UBE2V2: variants seen among roughly 807,000 people sequenced by gnomAD.
The protein encoded by UBE2V2 is ubiquitin-conjugating enzyme E2 variant 2.
A neutral mutation model predicts 17.2 loss-of-function variants in UBE2V2; 9 were observed. That is an observed-to-expected ratio of 0.52 (90% CI 0.32 to 0.91). The LOEUF is 0.91. Ranked by LOEUF, UBE2V2 falls within the 40% of genes least tolerant of loss-of-function variation. The probability of loss-of-function intolerance (pLI) is 0.04; values close to 1 mark genes in which losing one functional copy is unlikely to be tolerated. For synonymous variants in UBE2V2, 61 were observed against 57.5 expected (o/e 1.06, Z -0.28); for missense variants, 133 against 182.6 (o/e 0.73, Z 1.56).
Position 48,062,613 on chromosome 8 carries a change from T to C in UBE2V2, c.*1785T>C, listed in dbSNP as rs910939656. The stretch of plus-strand genomic sequence containing the variant: ...AAAAAAAAAAAAAAAAAGAAAAATA[T>C]TAATAATTGACCTTGGCTGTATATT... On this transcript the variant is annotated 3_prime_UTR_variant, in exon 4 of 4. Transcript: ENST00000523111. 6.6e-6 allele frequency: 1 copy of C among 151,540 alleles called. No homozygotes were observed. The highest frequency in any genetic ancestry group is 6.6e-5 in the Admixed American group (1 of 15,196). 9.4% of individuals were successfully genotyped at this position (151,540 alleles called of 1,614,324 possible).
At chr8:48,006,073 C>T (rs1343181547), upstream of UBE2V2, among the ~76,000 whole-genome samples, 1 of 152,172 alleles carries the variant, frequency 6.6e-6, no homozygotes, top group African/African-American at 2.4e-5. Context: ...GTGTTTTAGT[C>T]ATGAAGTCTT....
upstream of UBE2V2, among the ~76,000 whole-genome samples, chr8:48,008,085 C>G (rs1251597480): frequency 1.3e-5 from 2 of 152,054 alleles, no homozygotes; most frequent in Admixed American, 1.3e-4. Flanking sequence ...CCACGTCCGG[C>G]TAATTTTTGT....
intron 1 of UBE2V2, chr8:48,035,171 A>G: frequency 2.1e-6 from 2 of 946,664 alleles, no homozygotes; most frequent in South Asian, 4.9e-5. Flanking sequence ...GCTGTAGTGC[A>G]GTGGCACAAT....
the UBE2V2 span, among the ~76,000 whole-genome samples, chr8:48,003,068 GGCATGGTGGC>G: frequency 6.6e-5 from 10 of 152,142 alleles, no homozygotes; most frequent in East Asian, 1.9e-3. Flanking sequence ...AAATTAGCTG[GGCATGGTGGC>G]GCATGCCTGT....
At chr8:48,040,374 G>A (rs562066122) in intron 1 of UBE2V2, among the ~76,000 whole-genome samples, 1 of 152,192 alleles carries the variant, frequency 6.6e-6, no homozygotes, top group African/African-American at 2.4e-5. Flanking sequence ...CACCACTACT[G>A]TTCTTTAAAG....
chr8:48,054,048 G>A (rs1301829661), intron 3 of UBE2V2, among the ~76,000 whole-genome samples: 1 of 152,030 alleles, frequency 6.6e-6, no homozygotes, highest in African/African-American at 2.4e-5. Flanking sequence ...CAGGTGATCT[G>A]CCTGCCTCGG....
chr8:48,018,624 T>C (rs1305484187), intron 1 of UBE2V2, among the ~76,000 whole-genome samples: 2 of 152,226 alleles, frequency 1.3e-5, no homozygotes, highest in Non-Finnish European at 2.9e-5. Context: ...TAATGTATTA[T>C]GCCACTGTTG....
the UBE2V2 span, among the ~76,000 whole-genome samples, chr8:47,997,911 G>A: frequency 1.2e-4 from 18 of 151,978 alleles, 1 homozygote; most frequent in African/African-American, 4.4e-4. Flanking sequence ...ATCAAAGGAG[G>A]CGAAGTCATC....
chr8:48,007,830 C>G (rs187620236), upstream of UBE2V2, among the ~76,000 whole-genome samples: 9 of 151,960 alleles, frequency 5.9e-5, no homozygotes, highest in African/African-American at 2.2e-4. Flanking sequence ...CTTGGGCTCA[C>G]GTGACCCTCC....
chr8:47,998,682 GAGAGAGAGAA>G, the UBE2V2 span, among the ~76,000 whole-genome samples: 1 of 151,702 alleles, frequency 6.6e-6, no homozygotes, highest in Admixed American at 6.6e-5. Flanking sequence ...GAGGGGGAGA[GAGAGAGAGAA>G]AGAGAGAGTG....
intron 1 of UBE2V2, among the ~76,000 whole-genome samples, chr8:48,027,024 G>A (rs1260478090): frequency 6.6e-6 from 1 of 152,034 alleles, no homozygotes; most frequent in Non-Finnish European, 1.5e-5. Context: ...TCGCTCTGTT[G>A]CCCAGGCTGG....
chr8:48,048,507 G>T (rs1225634394), intron 2 of UBE2V2, among the ~76,000 whole-genome samples: 1 of 152,150 alleles, frequency 6.6e-6, no homozygotes, highest in African/African-American at 2.4e-5. Context: ...TATGCATCCA[G>T]ATTGGAGAAT....
intron 1 of UBE2V2, among the ~76,000 whole-genome samples, chr8:48,010,525 C>A (rs1044323929): frequency 6.7e-6 from 1 of 150,158 alleles, no homozygotes; most frequent in African/African-American, 2.5e-5. Context: ...CCTCAGTCTC[C>A]TGAGTAGCTG....
rs1001639688 is a variant in UBE2V2 at position 48,062,684 on chromosome 8, G to C, written c.*1856G>C. On this transcript the variant is annotated 3_prime_UTR_variant, in exon 4 of 4. Transcript: ENST00000523111. ...AGAGCACATTTCTCAAACATGCCCTGAAAGGCTTTTATCAAGCTCATATAA... is the reference window on the plus strand; with the variant it reads ...AGAGCACATTTCTCAAACATGCCCTCAAAGGCTTTTATCAAGCTCATATAA... 6.6e-6 allele frequency: 1 copy of C among 151,910 alleles called. No individual in the cohort carries two copies. Among genetic ancestry groups the C allele is most frequent in the African/African-American group, 2.4e-5 (1 of 41,376 alleles). 9.4% of individuals were successfully genotyped at this position (151,910 alleles called of 1,614,324 possible). A position where few individuals can be genotyped will look rare whatever the true frequency, so the allele number is the denominator to read the frequency against.
At chr8:48,012,970 C>T (rs181146198) in intron 1 of UBE2V2, among the ~76,000 whole-genome samples, 3 of 150,772 alleles carry the variant, frequency 2.0e-5, no homozygotes, top group South Asian at 2.1e-4. Context: ...CTCAGCCTCC[C>T]GAGTAGCTGG....
chr8:48,058,671 A>G (rs983404163), intron 3 of UBE2V2, among the ~76,000 whole-genome samples: 5 of 151,966 alleles, frequency 3.3e-5, no homozygotes, highest in African/African-American at 1.2e-4. Context: ...TCTTTATTAA[A>G]TATGATGTTA....
At chr8:48,049,730 C>A in intron 2 of UBE2V2, 123 bp from the exon 3 acceptor site, 1 of 821,512 alleles carries the variant, frequency 1.2e-6, no homozygotes, top group Non-Finnish European at 1.8e-6. Flanking sequence ...AAAATAAATT[C>A]TTAATCATAA....
intron 1 of UBE2V2, among the ~76,000 whole-genome samples, chr8:48,011,324 C>T (rs1048845481): frequency 2.0e-5 from 3 of 152,002 alleles, no homozygotes; most frequent in East Asian, 1.9e-4. Flanking sequence ...TGCACCACCA[C>T]GCCCAGCTAA....
chr8:48,047,587 T>G (rs1338172477), intron 2 of UBE2V2, among the ~76,000 whole-genome samples: 1 of 151,992 alleles, frequency 6.6e-6, no homozygotes, highest in Non-Finnish European at 1.5e-5. Context: ...TGAGACAGTC[T>G]TGCTTTGCCA....
Sources: allele counts gnomAD v4.1 joint callset (sites outside exome capture counted in the v4.1 genomes callset), GRCh38; gene constraint gnomAD v4.1.1; transcripts MANE v1.5; gene names NCBI Gene and HGNC (gene_info 2026-07-23, HGNC 2026-07-21).